Variants in ICA1L observed in about 807,000 individuals in gnomAD.
ICA1L encodes islet cell autoantigen 1 like, also known as islet cell autoantigen 1-like protein.
Under a neutral mutation model 61.3 loss-of-function variants are expected in ICA1L, and 50 were observed. That is an observed-to-expected ratio of 0.82 (90% CI 0.65 to 1.03). ICA1L has a LOEUF of 1.03. ICA1L is among the 50% of genes least tolerant of loss of function. The pLI is 0.00. For missense variants in ICA1L, 508 were observed against 556.7 expected, an observed-to-expected ratio of 0.91 and a Z score of 0.88; for synonymous variants, 161 against 191.3, an observed-to-expected ratio of 0.84 and a Z score of 1.31.
At chr2:202,838,889 A>G (rs7579055) in intron 1 of ICA1L, among the ~76,000 whole-genome samples, 14,880 of 152,088 alleles carry the variant, frequency 0.098, 831 homozygotes, top group Admixed American at 0.12. Flanking sequence ...ATCACATGGT[A>G]AGAAAAGGAG....
chr2:202,858,651 C>T (rs968555186), intron 1 of ICA1L, among the ~76,000 whole-genome samples: 4 of 152,250 alleles, frequency 2.6e-5, no homozygotes, highest in Admixed American at 6.6e-5. Flanking sequence ...AAAAAGAAAC[C>T]TGTTTAAAAA....
intron 1 of ICA1L, among the ~76,000 whole-genome samples, chr2:202,837,426 G>A (rs1694184813): frequency 6.6e-6 from 1 of 151,922 alleles, no homozygotes; most frequent in Non-Finnish European, 1.5e-5. Context: ...TGGGATTACA[G>A]GCGCCTGCCA....
intron 6 of ICA1L, among the ~76,000 whole-genome samples, chr2:202,816,707 A>G (rs1259262550): frequency 6.6e-6 from 1 of 152,202 alleles, no homozygotes; most frequent in Non-Finnish European, 1.5e-5. Context: ...AGACTCCCTA[A>G]AAGCAGGAGT....
intron 9 of ICA1L, among the ~76,000 whole-genome samples, chr2:202,802,208 T>C (rs568374207): frequency 2.0e-5 from 3 of 152,104 alleles, no homozygotes; most frequent in South Asian, 4.2e-4. Flanking sequence ...AAACAGTAGA[T>C]TAGATGCAAG....
intron 1 of ICA1L, among the ~76,000 whole-genome samples, chr2:202,860,969 C>T (rs978959025): frequency 2.0e-5 from 3 of 152,078 alleles, no homozygotes; most frequent in African/African-American, 7.2e-5. Context: ...GTGGCCCATG[C>T]CTGTAATCCC....
At chr2:202,781,375 C>G (rs546300898) in intron 12 of ICA1L, among the ~76,000 whole-genome samples, 1 of 151,486 alleles carries the variant, frequency 6.6e-6, no homozygotes, top group African/African-American at 2.4e-5. Flanking sequence ...GAGTTCGAGA[C>G]GAGCCTGGCC....
At chr2:202,797,132 T>TTCTGTGTGTGTGTGTG (rs1553532256) in intron 9 of ICA1L, among the ~76,000 whole-genome samples, 168 bp from the exon 10 acceptor site, 1 of 147,726 alleles carries the variant, frequency 6.8e-6, no homozygotes, top group South Asian at 2.2e-4. Context: ...AAAATCACAT[T>TTCTGTGTGTGTGTGTG]TGTGTGTGTG....
At chr2:202,789,154 T>G in intron 10 of ICA1L, 67 bp from the exon 11 acceptor site, 1 of 1,287,606 alleles carries the variant, frequency 7.8e-7, no homozygotes, top group Non-Finnish European at 1.1e-6. Flanking sequence ...GACCATAGGA[T>G]GAATCAAATT....
intron 6 of ICA1L, 50 bp from the exon 7 acceptor site, chr2:202,816,059 T>A: frequency 1.7e-6 from 2 of 1,171,314 alleles, no homozygotes; most frequent in Non-Finnish European, 2.4e-6. Context: ...CCTCCATGAT[T>A]TTTTAAGTGC....
At chr2:202,870,978 C>G (rs988902872) in intron 1 of ICA1L, 2 of 152,220 alleles carry the variant, frequency 1.3e-5, no homozygotes, top group African/African-American at 4.8e-5. Context: ...ATATCTGTGC[C>G]GTGGGGTCGG....
In ICA1L at chr2:202,849,827, C is replaced by G. The variant is rs1694566502; in HGVS notation, c.-7-20811G>C. ...GGACAGACAGCCTCCTCAAGTGGGT[C>G]CCAGACCCCCATGCCTCCTGACTGG... is the stretch of plus-strand genomic sequence containing the variant. On this transcript the variant is annotated intron_variant, in intron 1 of 12. Coordinates refer to ENST00000358299, the MANE Select transcript of ICA1L (RefSeq NM_001288622.3). This position sits in a 1 kb window ranked among gnomAD's most constrained non-coding sequence, Gnocchi z 4.5. Among the ~76,000 whole-genome samples, 2 of 152,186 alleles carry G rather than the reference C, an allele frequency of 1.3e-5. No homozygotes were observed. Among genetic ancestry groups the G allele is most frequent in the Non-Finnish European group, 2.9e-5 (2 of 68,038 alleles).
chr2:202,779,752 A>C, intron 12 of ICA1L, 104 bp from the exon 13 acceptor site: 1 of 645,012 alleles, frequency 1.6e-6, no homozygotes, highest in Non-Finnish European at 2.6e-6. Flanking sequence ...GGATTAAGAA[A>C]AAATTAAGAT....
chr2:202,811,680 G>T (rs1057488072), intron 9 of ICA1L, 66 bp downstream of exon 9: 31 of 729,276 alleles, frequency 4.3e-5, no homozygotes, highest in African/African-American at 1.8e-4. Context: ...AAAAAAAAAA[G>T]GCTGTGATAA....
At chr2:202,838,723 T>TA (rs1694221760) in intron 1 of ICA1L, among the ~76,000 whole-genome samples, 1 of 152,222 alleles carries the variant, frequency 6.6e-6, no homozygotes, top group Non-Finnish European at 1.5e-5. Context: ...TCTGTGTTGC[T>TA]ATAAAGAAAT....
chr2:202,779,810 T>A (rs574807500), intron 12 of ICA1L, among the ~76,000 whole-genome samples, 162 bp from the exon 13 acceptor site: 1 of 151,374 alleles, frequency 6.6e-6, no homozygotes, highest in South Asian at 2.1e-4. Context: ...TTTTTTTTTT[T>A]TTTTTTTGTT....
intron 1 of ICA1L, among the ~76,000 whole-genome samples, chr2:202,850,531 G>A (rs1325696463): frequency 6.6e-6 from 1 of 152,042 alleles, no homozygotes; most frequent in African/African-American, 2.4e-5. Flanking sequence ...GCGGAAGAAA[G>A]GATATCAGAA....
chr2:202,850,271 C>T (rs1208776491), intron 1 of ICA1L, among the ~76,000 whole-genome samples: 2 of 152,078 alleles, frequency 1.3e-5, no homozygotes, highest in Non-Finnish European at 2.9e-5. Flanking sequence ...GGGCACAAAA[C>T]TGGACGGAGA....
intron 1 of ICA1L, chr2:202,871,383 CG>C (rs1454670180): frequency 2.6e-5 from 4 of 152,166 alleles, no homozygotes; most frequent in Non-Finnish European, 5.9e-5. Context: ...GGGGGGAGGC[CG>C]GAAGAACCCC....
chr2:202,780,446 G>A (rs183464019), intron 12 of ICA1L, among the ~76,000 whole-genome samples: 1 of 152,282 alleles, frequency 6.6e-6, no homozygotes, highest in African/African-American at 2.4e-5. Context: ...TTGCACTGTG[G>A]CAGATATTCA....
Sources: gnomAD v4.1 joint callset for allele counts (sites outside exome capture counted in the v4.1 genomes callset) on GRCh38, gnomAD v4.1.1 for gene constraint, Gnocchi (gnomAD v3.1) non-coding constraint, MANE v1.5 for transcripts, NCBI Gene and HGNC (gene_info 2026-07-23, HGNC 2026-07-21) for gene names.